Variants in SNX21 observed in about 807,000 individuals in gnomAD.
SNX21 encodes the protein sorting nexin-21.
A neutral mutation model predicts 30.9 loss-of-function variants in SNX21; 36 were observed. That is an observed-to-expected ratio of 1.16 (90% confidence interval 0.89 to 1.54). The LOEUF (loss-of-function observed/expected upper bound fraction) is 1.54. SNX21 is among the 40% of genes most tolerant of loss of function. The probability of loss-of-function intolerance (pLI) is 0.00; values close to 1 mark genes in which losing one functional copy is unlikely to be tolerated. For synonymous variants in SNX21, 218 were observed against 222.7 expected, an observed-to-expected ratio of 0.98 and a Z score of 0.19; for missense variants, 508 against 516.5, an observed-to-expected ratio of 0.98 and a Z score of 0.16.
intron 3 of SNX21, among the ~76,000 whole-genome samples, chr20:45,835,435 C>T (rs1983449304): frequency 2.0e-5 from 3 of 152,174 alleles, no homozygotes; most frequent in Non-Finnish European, 1.5e-5. Context: ...TACAGAGAGA[C>T]AGATGTTATC....
At chr20:45,837,362 G>A (rs753437792) in intron 3 of SNX21, among the ~76,000 whole-genome samples, 2 of 152,212 alleles carry the variant, frequency 1.3e-5, no homozygotes, top group Admixed American at 6.5e-5. Context: ...AGAGTTAAAT[G>A]AGAATACAAT....
intron 2 of SNX21, 166 bp from the exon 3 acceptor site, chr20:45,834,793 C>G (rs1172436738): frequency 1.1e-6 from 1 of 876,052 alleles, no homozygotes; most frequent in East Asian, 2.5e-5. Context: ...CTACTGTCTG[C>G]CAGGCACGGT....
In SNX21 at chr20:45,833,804, G is replaced by C; in HGVS notation, c.-116G>C. Reference sequence around the variant, plus strand: ...GCAGGAGGCGGGGCGGCGGCAGGAAGCTGCCCGAGCGGCGCTCTGAGCGGC... The same window carrying C: ...GCAGGAGGCGGGGCGGCGGCAGGAACCTGCCCGAGCGGCGCTCTGAGCGGC... On this transcript the variant is annotated 5_prime_UTR_variant, in exon 1 of 4. Transcript: ENST00000491381. The C allele has an allele frequency of 9.2e-7, 1 of 1,084,176 alleles. No homozygotes were observed. The highest frequency in any genetic ancestry group is 1.2e-6 in the Non-Finnish European group (1 of 849,608). The allele number at this position is 1,084,176 out of a possible 1,614,324, so 67.2% of individuals were successfully genotyped here.
chr20:45,834,567 G>GA, intron 2 of SNX21, 99 bp downstream of exon 2: 1 of 1,407,774 alleles, frequency 7.1e-7, no homozygotes, highest in Non-Finnish European at 9.3e-7. Context: ...TGATCCAGCT[G>GA]AAACTCCCAC....
At chr20:45,833,977 G>A (rs1983239652) in intron 1 of SNX21, 37 bp downstream of exon 1, 3 of 1,437,722 alleles carry the variant, frequency 2.1e-6, no homozygotes, top group African/African-American at 3.0e-5. Context: ...GACATCGGGA[G>A]GGTCCTGAGC....
At position 45,843,108 on chromosome 20, in the gene SNX21, G is replaced by A. The variant is rs1266754933; in HGVS notation, c.*1795G>A. On this transcript the variant is annotated 3_prime_UTR_variant, in exon 4 of 4. Coordinates refer to ENST00000491381, the MANE Select transcript of SNX21 (RefSeq NM_033421.4). ...CCAAGACCTACTGAGTGAGAATCTT[G>A]AGGGTGGAATCAGAATCTATTTTGA... The A allele has an allele frequency of 9.3e-7, 1 of 1,076,308 alleles. No individual in the cohort carries two copies. The highest frequency in any genetic ancestry group is 3.7e-5 in the Admixed American group (1 of 27,102). The allele number at this position is 1,076,308 out of a possible 1,614,324, so 66.7% of individuals were successfully genotyped here. A position where few individuals can be genotyped will look rare whatever the true frequency, so the allele number is the denominator to read the frequency against.
Position 45,842,338 on chromosome 20 carries a change from C to T in SNX21, c.*1025C>T. The T allele has an allele frequency of 7.2e-7, 1 of 1,385,820 alleles. No homozygotes were observed. The highest frequency in any genetic ancestry group is 9.3e-7 in the Non-Finnish European group (1 of 1,072,592). The allele number at this position is 1,385,820 out of a possible 1,614,324, so 85.8% of individuals were successfully genotyped here. Reference sequence around the variant, plus strand: ...CCTCTCCTCGCTTCCTCAAAAAGATCACAGAGGGAGGAGCTCTGAGAACAG... The same window carrying T: ...CCTCTCCTCGCTTCCTCAAAAAGATTACAGAGGGAGGAGCTCTGAGAACAG... On this transcript the variant is annotated 3_prime_UTR_variant, in exon 4 of 4. Transcript: ENST00000491381.
chr20:45,842,516 G>T lies in SNX21; in HGVS notation c.*1203G>T. 1 of 1,015,052 alleles carries T rather than the reference G, an allele frequency of 9.9e-7. No individual in the cohort carries two copies. The highest frequency in any genetic ancestry group is 4.0e-5 in the South Asian group (1 of 25,028). The allele number at this position is 1,015,052 out of a possible 1,614,324, so 62.9% of individuals were successfully genotyped here. On this transcript the variant is annotated 3_prime_UTR_variant, in exon 4 of 4. Transcript: ENST00000491381. Reference sequence around the variant, plus strand: ...ACTACCACCACCAAGGGGAAGAAAGGACTCAGAAGAGAGGACTTGAGGCCA... The same window carrying T: ...ACTACCACCACCAAGGGGAAGAAAGTACTCAGAAGAGAGGACTTGAGGCCA...
At chr20:45,835,502 G>A (rs192451085) in intron 3 of SNX21, among the ~76,000 whole-genome samples, 2 of 152,166 alleles carry the variant, frequency 1.3e-5, no homozygotes, top group African/African-American at 2.4e-5. Flanking sequence ...ATAGGCTTTC[G>A]ATCCAGACCA....
intron 3 of SNX21, among the ~76,000 whole-genome samples, chr20:45,838,068 C>T (rs1460808181): frequency 1.3e-5 from 2 of 150,480 alleles, no homozygotes; most frequent in African/African-American, 4.9e-5. Context: ...CTACGCCCAG[C>T]CGAACCTATT....
chr20:45,839,540 TAAAA>T (rs1306099946), intron 3 of SNX21, among the ~76,000 whole-genome samples: 2 of 150,746 alleles, frequency 1.3e-5, no homozygotes, highest in African/African-American at 2.4e-5. Context: ...AATAAAAAAA[TAAAA>T]AAACCCCAAC....
chr20:45,841,084 A>G lies in SNX21; in HGVS notation c.893A>G (p.Asp298Gly). The G allele has an allele frequency of 4.3e-6, 7 of 1,609,638 alleles. No individual in the cohort carries two copies. The highest frequency in any genetic ancestry group is 5.9e-6 in the Non-Finnish European group (7 of 1,178,656). Residue 298 changes from aspartate (D) to glycine (G), a missense_variant, in exon 4 of 4, where the codon GAC becomes GGC. Transcript: ENST00000491381. ...GLAVCHQELE[D>G]PGEARACCEK... The stretch of plus-strand genomic sequence containing the variant: ...GCCGTGTGCCACCAGGAGCTGGAAG[A>G]CCCTGGAGAGGCCCGGGCATGCTGT...
rs139681125 is a variant in SNX21, at chr20:45,833,909, C to T, written c.-11C>T. 5.3e-3 allele frequency: 7,272 copies of T among 1,381,694 alleles called. 156 individuals are homozygous for T. The African/African-American group carries it at 0.066, about 12-fold the overall frequency. The allele number at this position is 1,381,694 out of a possible 1,614,324, so 85.6% of individuals were successfully genotyped here. The stretch of plus-strand genomic sequence containing the variant: ...CTGCACCCGGACCCCTGGGGCGCGG[C>T]GCGCCCCTGAATGCACCGTGGGACG... On this transcript the variant is annotated 5_prime_UTR_variant, in exon 1 of 4. Coordinates refer to ENST00000491381, the MANE Select transcript of SNX21 (RefSeq NM_033421.4).
Position 45,833,851 on chromosome 20 carries a change from A to G in SNX21, c.-69A>G, listed in dbSNP as rs1983220101. 1.6e-6 allele frequency: 2 copies of G among 1,287,818 alleles called. No homozygotes were observed. Among genetic ancestry groups the G allele is most frequent in the Non-Finnish European group, 2.0e-6 (2 of 1,013,776 alleles). The allele number at this position is 1,287,818 out of a possible 1,614,324, so 79.8% of individuals were successfully genotyped here. A position where few individuals can be genotyped will look rare whatever the true frequency, so the allele number is the denominator to read the frequency against. On this transcript the variant is annotated 5_prime_UTR_variant, in exon 1 of 4. Coordinates refer to ENST00000491381, the MANE Select transcript of SNX21 (RefSeq NM_033421.4). ...CGGCCTGAGCCCGGCGGAGCCCTGC[A>G]GAACCCGGCCGACCTCCATGGGCTG...
At position 45,834,329 on chromosome 20, in the gene SNX21, C is replaced by CG. The variant is rs769485192; in HGVS notation, c.151dup (p.Glu51GlyfsTer33). On this transcript the variant is annotated frameshift_variant, in exon 2 of 4. Transcript: ENST00000491381. LOFTEE classifies it high-confidence loss of function. ...GCTCAGAGCTGGAGGACGACGACGCCGAGGGCCTGTCCTCCCGACTCAGCG... is the reference window on the plus strand; with the variant it reads ...GCTCAGAGCTGGAGGACGACGACGCCGGAGGGCCTGTCCTCCCGACTCAGCG... The CG allele has an allele frequency of 6.3e-7, 1 of 1,598,716 alleles. No individual in the cohort carries two copies. Among genetic ancestry groups the CG allele is most frequent in the Non-Finnish European group, 8.5e-7 (1 of 1,177,336 alleles).
At chr20:45,836,263 C>T (rs1463696009) in intron 3 of SNX21, among the ~76,000 whole-genome samples, 2 of 151,902 alleles carry the variant, frequency 1.3e-5, no homozygotes, top group African/African-American at 4.8e-5. Flanking sequence ...TTTGGGAAGC[C>T]GAGGCGGGCG....
intron 3 of SNX21, among the ~76,000 whole-genome samples, chr20:45,839,868 C>T (rs1394857813): frequency 6.6e-6 from 1 of 152,044 alleles, no homozygotes; most frequent in Middle Eastern, 3.2e-3. Context: ...ATGATTGTAC[C>T]AGTGTACTCC....
Position 45,834,833 on chromosome 20 carries a change from CAGTTTCCATTTCTGTAA to C in SNX21, c.290-124_290-108del, listed in dbSNP as rs1983376714. On this transcript the variant is annotated intron_variant, in intron 2 of 3. Transcript: ENST00000491381. ...GGCTCCTCGGTGCCTCTCTGTCCCT[CAGTTTCCATTTCTGTAA>C]AAAGGGGGTAAGTCCTGCCTCACAC... 60 of 1,294,772 alleles carry C rather than the reference CAGTTTCCATTTCTGTAA, an allele frequency of 4.6e-5. No homozygotes were observed. The South Asian group carries it at 8.6e-4, about 18-fold the overall frequency. The allele number at this position is 1,294,772 out of a possible 1,614,324, so 80.2% of individuals were successfully genotyped here.
chr20:45,834,356 C>A lies in SNX21; in HGVS notation c.177C>A (p.Gly59=). ...DAEGLSSRLS[G]TLSFTSAEDD... is the part of the protein sequence containing the mutation. ...AGGGCCTGTCCTCCCGACTCAGCGG[C>A]ACCCTCAGCTTCACCAGCGCCGAGG... The change falls in exon 2 of 4, where the codon GGC becomes GGA. Residue 59 remains glycine (G), a synonymous_variant. Coordinates refer to ENST00000491381, the MANE Select transcript of SNX21 (RefSeq NM_033421.4). The A allele has an allele frequency of 6.2e-7, 1 of 1,602,048 alleles. No individual in the cohort carries two copies.
Sources: gnomAD v4.1 joint callset for allele counts (sites outside exome capture counted in the v4.1 genomes callset) on GRCh38, gnomAD v4.1.1 for gene constraint, MANE v1.5 for transcripts, NCBI Gene and HGNC (gene_info 2026-07-23, HGNC 2026-07-21) for gene names.